The following IAPP variants were observed in gnomAD, a reference collection of about 807,000 sequenced individuals.
IAPP encodes islet amyloid polypeptide, also known as Islet amyloid polypeptide (diabetes-associated peptide; amylin).
A neutral mutation model predicts 2.9 loss-of-function variants in IAPP; 4 were observed. The ratio of observed to expected loss-of-function variants is 1.39; its 90% CI spans 0.69 to 3.19. The LOEUF is 3.19. Among genes scored for constraint, IAPP ranks in the 30% most tolerant of loss-of-function variants. IAPP has a pLI of 0.01. For missense variants in IAPP, 114 were observed against 105.3 expected (o/e 1.08, Z -0.36); for synonymous variants, 40 against 42.1 (o/e 0.95, Z 0.19).
chr12:21,360,914 C>T (rs981334531), intron 1 of IAPP, among the ~76,000 whole-genome samples: 3 of 152,190 alleles, frequency 2.0e-5, no homozygotes, highest in African/African-American at 7.2e-5. Context: ...GAGCCCACCG[C>T]AGCTCAAGGA....
intron 1 of IAPP, among the ~76,000 whole-genome samples, chr12:21,363,073 C>G (rs927748724): frequency 6.6e-6 from 1 of 152,206 alleles, no homozygotes; most frequent in African/African-American, 2.4e-5. Flanking sequence ...ACTCTCCACC[C>G]CAAAACAACA....
Position 21,378,587 on chromosome 12 carries a change from AC to A in IAPP, c.*162del, listed in dbSNP as rs1222122131. 2.1e-5 allele frequency: 12 copies of A among 576,566 alleles called. No homozygotes were observed. The highest frequency in any genetic ancestry group is 2.1e-4 in the African/African-American group (11 of 53,580). The allele number at this position is 576,566 out of a possible 1,614,324, so 35.7% of individuals were successfully genotyped here. ...AAAGATTGTTTTATATGTAGTACTA[AC>A]TAAGGTCCCATAATAAAAAGATAGT... On this transcript the variant is annotated 3_prime_UTR_variant, in exon 3 of 3. Coordinates refer to ENST00000240652, the MANE Select transcript of IAPP (RefSeq NM_000415.3).
rs917969773 is a variant in IAPP, at chr12:21,360,912, C to T, written c.-16+5899C>T. 3.3e-5 allele frequency among the ~76,000 whole-genome samples: 5 copies of T among 152,000 alleles called. No individual in the cohort carries two copies. The South Asian group carries it at 8.3e-4, about 25-fold the overall frequency. The stretch of plus-strand genomic sequence containing the variant: ...GGAACTCGAACTCGGTGGAGCCCAC[C>T]GCAGCTCAAGGAGGCCTGCCTGCCT... On this transcript the variant is annotated intron_variant, in intron 1 of 2. Transcript: ENST00000539393.
chr12:21,375,878 G>A (rs572462450), intron 2 of IAPP, among the ~76,000 whole-genome samples: 19 of 152,222 alleles, frequency 1.2e-4, no homozygotes, highest in South Asian at 8.3e-4. Flanking sequence ...TTACTAGCTC[G>A]TATGTTACCT....
upstream of IAPP, among the ~76,000 whole-genome samples, chr12:21,369,016 TGTGTGG>T (rs1939594964): frequency 6.6e-6 from 1 of 152,096 alleles, no homozygotes; most frequent in African/African-American, 2.4e-5. Flanking sequence ...TAGTTAAAAC[TGTGTGG>T]AGAGCAAAAT....
At chr12:21,373,469 G>T (rs1159613845) in intron 2 of IAPP, 38 bp downstream of exon 2, 1 of 1,404,152 alleles carries the variant, frequency 7.1e-7, no homozygotes, top group Non-Finnish European at 1.0e-6. Context: ...TGTAACTTTT[G>T]TAAAGTGTGA....
At chr12:21,366,982 T>A (rs1470999671) in intron 1 of IAPP, among the ~76,000 whole-genome samples, 1 of 151,816 alleles carries the variant, frequency 6.6e-6, no homozygotes, top group East Asian at 1.9e-4. Flanking sequence ...TAACACAAAT[T>A]TATATATTAA....
chr12:21,378,089 A>G, intron 2 of IAPP, 148 bp from the exon 3 acceptor site: 1 of 653,650 alleles, frequency 1.5e-6, no homozygotes, highest in Non-Finnish European at 2.7e-6. Context: ...AATCTCAGCC[A>G]TCTAGGTGTT....
chr12:21,365,569 CT>C (rs1474999344), intron 1 of IAPP, among the ~76,000 whole-genome samples: 1 of 152,154 alleles, frequency 6.6e-6, no homozygotes, highest in Non-Finnish European at 1.5e-5. Context: ...AACTAAAGAG[CT>C]TCTGCACATC....
Position 21,376,662 on chromosome 12 carries a change from T to TA in IAPP, c.81-1565dup, listed in dbSNP as rs141702135. ...TAGGAAGAAATATGGGAGTAAAATT[T>TA]AAAAAAAAAACAGTTTCACATGAGA... On this transcript the variant is annotated intron_variant, in intron 2 of 2. Transcript: ENST00000240652. 1.2e-3 allele frequency among the ~76,000 whole-genome samples: 183 copies of TA among 148,150 alleles called. 2 individuals carry two copies. The highest frequency in any genetic ancestry group is 3.0e-3 in the African/African-American group (124 of 40,684).
chr12:21,357,399 A>T (rs1389579948), intron 1 of IAPP, among the ~76,000 whole-genome samples: 1 of 152,218 alleles, frequency 6.6e-6, no homozygotes, highest in Non-Finnish European at 1.5e-5. Context: ...AGCTAGAAAG[A>T]GGCATGGAAC....
chr12:21,361,864 G>A (rs547947364), intron 1 of IAPP, among the ~76,000 whole-genome samples: 4 of 152,204 alleles, frequency 2.6e-5, no homozygotes, highest in Non-Finnish European at 5.9e-5. Context: ...AAAAAGAAAT[G>A]AACAAAGCCT....
intron 2 of IAPP, among the ~76,000 whole-genome samples, chr12:21,375,736 G>A (rs1024730279): frequency 6.6e-6 from 1 of 152,192 alleles, no homozygotes; most frequent in Non-Finnish European, 1.5e-5. Flanking sequence ...GAAAACTCTG[G>A]AGAGACAATT....
At chr12:21,376,377 G>T (rs149378829) in intron 2 of IAPP, 1 of 340,638 alleles carries the variant, frequency 2.9e-6, no homozygotes, top group African/African-American at 2.2e-5. Flanking sequence ...AAGTATTTTA[G>T]AATTCAATGC....
chr12:21,364,984 T>C (rs929073707), intron 1 of IAPP, among the ~76,000 whole-genome samples: 2 of 152,186 alleles, frequency 1.3e-5, no homozygotes, highest in Admixed American at 6.5e-5. Context: ...AGGTAATTTA[T>C]AGATTCAATG....
chr12:21,372,239 C>T (rs1307742384), upstream of IAPP, among the ~76,000 whole-genome samples: 1 of 152,158 alleles, frequency 6.6e-6, no homozygotes, highest in Non-Finnish European at 1.5e-5. Context: ...TACTTGACTA[C>T]ATATACCTAT....
chr12:21,369,115 TA>T (rs1939603339), upstream of IAPP, among the ~76,000 whole-genome samples: 1 of 152,204 alleles, frequency 6.6e-6, no homozygotes, highest in Non-Finnish European at 1.5e-5. Flanking sequence ...ACAAATTTGA[TA>T]AAATGTAAAA....
At chr12:21,354,966 C>T (rs1938247298) in exon 1 of IAPP, 1 of 152,112 alleles carries the variant, frequency 6.6e-6, no homozygotes. Flanking sequence ...CAAAGCTTTG[C>T]ACATCTCCAG....
chr12:21,371,051 A>G (rs954373380), upstream of IAPP, among the ~76,000 whole-genome samples: 2 of 152,230 alleles, frequency 1.3e-5, no homozygotes, highest in African/African-American at 4.8e-5. Context: ...GTAGCAGCTT[A>G]CGGCGGTTTT....
Sources: allele counts gnomAD v4.1 joint callset (sites outside exome capture counted in the v4.1 genomes callset), GRCh38; gene constraint gnomAD v4.1.1; transcripts MANE v1.5; gene names NCBI Gene and HGNC (gene_info 2026-07-23, HGNC 2026-07-21).